Variants in CABCOCO1 observed in about 807,000 individuals in gnomAD.
CABCOCO1 encodes ciliary associated calcium binding coiled-coil 1.
A neutral mutation model predicts 35.7 loss-of-function variants in CABCOCO1; 28 were observed. That is an observed-to-expected ratio of 0.78 (90% CI 0.58 to 1.07). The LOEUF is 1.07. Ranked by LOEUF, CABCOCO1 falls within the 50% of genes least tolerant of loss-of-function variation. The pLI is 0.00. For missense variants in CABCOCO1, 326 were observed against 309.2 expected (o/e 1.05, Z -0.41); for synonymous variants, 95 against 100.1 (o/e 0.95, Z 0.30).
At chr10:61,699,090 G>A (rs138610780) in intron 5 of CABCOCO1, among the ~76,000 whole-genome samples, 76 of 152,208 alleles carry the variant, frequency 5.0e-4, no homozygotes, top group Non-Finnish European at 9.9e-4. Context: ...GCCATAATTT[G>A]TAGTTTGACC....
At chr10:61,713,875 G>A (rs1434156140) in intron 5 of CABCOCO1, among the ~76,000 whole-genome samples, 1 of 152,158 alleles carries the variant, frequency 6.6e-6, no homozygotes. Flanking sequence ...TGATCGTGGT[G>A]GATAAGCTTT....
At chr10:61,675,357 A>G (rs1445984018) in intron 2 of CABCOCO1, among the ~76,000 whole-genome samples, 1 of 152,158 alleles carries the variant, frequency 6.6e-6, no homozygotes, top group African/African-American at 2.4e-5. Context: ...GAGTACAATG[A>G]CCGAGCAAAG....
chr10:61,765,793 C>A, intron 7 of CABCOCO1, 146 bp from the exon 8 acceptor site: 1 of 657,244 alleles, frequency 1.5e-6, no homozygotes. Flanking sequence ...TCACTACAGG[C>A]TGAAACACAG....
intron 5 of CABCOCO1, among the ~76,000 whole-genome samples, chr10:61,747,054 A>T (rs897038228): frequency 2.0e-5 from 3 of 152,146 alleles, no homozygotes; most frequent in South Asian, 2.1e-4. Context: ...CAAACACTTT[A>T]AAAAAATCTT....
chr10:61,674,272 C>T (rs1348966336), intron 2 of CABCOCO1, among the ~76,000 whole-genome samples: 1 of 151,776 alleles, frequency 6.6e-6, no homozygotes, highest in African/African-American at 2.4e-5. Flanking sequence ...GTGGTAAGGC[C>T]TAGGATACAG....
chr10:61,730,466 A>G (rs1250745855), intron 5 of CABCOCO1, among the ~76,000 whole-genome samples: 12 of 152,162 alleles, frequency 7.9e-5, no homozygotes, highest in Non-Finnish European at 1.5e-5. Flanking sequence ...AAAATACATC[A>G]GTAGAATGAC....
chr10:61,765,991 T>A lies in CABCOCO1; in HGVS notation c.869T>A (p.Ile290Lys). 1 of 1,613,278 alleles carries A rather than the reference T, an allele frequency of 6.2e-7. No individual in the cohort carries two copies. ...CAGGAAGAGGCCTTTAATGCACGAATAGAAAAATTGAAAAAGGCCTAAGGA... is the reference window on the plus strand; with the variant it reads ...CAGGAAGAGGCCTTTAATGCACGAAAAGAAAAATTGAAAAAGGCCTAAGGA... ...QIQEEAFNAR[I>K]EKLKKA is the part of the protein sequence containing the mutation. Residue 290 changes from isoleucine (I) to lysine (K), a missense_variant, in exon 8 of 8, where the codon ATA (isoleucine) becomes AAA (lysine). Ile to Lys is a moderately radical substitution (Grantham distance 102). Transcript: ENST00000648843.
In CABCOCO1 at chr10:61,766,090, C is replaced by T. The variant is rs958490736; in HGVS notation, c.*77C>T. ...AGCCAGAATAACAGACTCTCTGGAG[C>T]GTCGTGTCTCCATCACTTAGTTGTG... On this transcript the variant is annotated 3_prime_UTR_variant, in exon 8 of 8. Coordinates refer to ENST00000648843, the MANE Select transcript of CABCOCO1 (RefSeq NM_001366906.2). The T allele has an allele frequency of 2.0e-5, 25 of 1,279,660 alleles. No homozygotes were observed. Among genetic ancestry groups the T allele is most frequent in the Middle Eastern group, 1.9e-4 (1 of 5,244 alleles). 79.3% of individuals were successfully genotyped at this position (1,279,660 alleles called of 1,614,324 possible).
intron 5 of CABCOCO1, among the ~76,000 whole-genome samples, chr10:61,737,158 C>T (rs1375359837): frequency 1.3e-5 from 2 of 152,010 alleles, no homozygotes; most frequent in Non-Finnish European, 2.9e-5. Context: ...TGCCTGATTG[C>T]TCCAAAGAAG....
chr10:61,727,147 G>T (rs536608006), intron 5 of CABCOCO1, among the ~76,000 whole-genome samples: 5 of 152,024 alleles, frequency 3.3e-5, no homozygotes, highest in Non-Finnish European at 5.9e-5. Context: ...CTTCTTGAAG[G>T]CAGGATTATT....
intron 5 of CABCOCO1, among the ~76,000 whole-genome samples, chr10:61,746,476 T>A (rs370797685): frequency 1.2e-4 from 19 of 152,214 alleles, no homozygotes; most frequent in East Asian, 3.8e-4. Flanking sequence ...CTGTAATCTA[T>A]CATGGCTGGT....
intron 5 of CABCOCO1, among the ~76,000 whole-genome samples, chr10:61,734,741 C>T (rs961262675): frequency 4.6e-5 from 7 of 152,094 alleles, no homozygotes; most frequent in African/African-American, 1.2e-4. Context: ...GTAAGTGGAG[C>T]GCTCTCTGTA....
intron 5 of CABCOCO1, among the ~76,000 whole-genome samples, chr10:61,700,159 G>C (rs1050886407): frequency 5.9e-5 from 9 of 151,934 alleles, no homozygotes; most frequent in African/African-American, 2.2e-4. Context: ...CTTGGGAAAT[G>C]TCTAACTATT....
chr10:61,761,118 A>T (rs1842000788), intron 7 of CABCOCO1, 115 bp downstream of exon 7: 1 of 1,097,484 alleles, frequency 9.1e-7, no homozygotes. Context: ...CTTATGACGA[A>T]GTTCAATTTA....
intron 5 of CABCOCO1, among the ~76,000 whole-genome samples, chr10:61,705,797 CACA>C (rs1304084705): frequency 6.6e-6 from 1 of 152,186 alleles, no homozygotes; most frequent in Non-Finnish European, 1.5e-5. Flanking sequence ...TTAAATATTA[CACA>C]CACATAATCT....
chr10:61,711,900 T>C (rs911184673), intron 5 of CABCOCO1, among the ~76,000 whole-genome samples: 4 of 151,978 alleles, frequency 2.6e-5, no homozygotes, highest in African/African-American at 9.7e-5. Flanking sequence ...TTGAATGGGA[T>C]GAAAATGAAA....
chr10:61,763,167 A>G (rs1013476076), intron 7 of CABCOCO1, among the ~76,000 whole-genome samples: 1 of 152,062 alleles, frequency 6.6e-6, no homozygotes, highest in African/African-American at 2.4e-5. Flanking sequence ...TAAAAGTCAT[A>G]CTGTTATTAC....
chr10:61,763,567 C>T (rs1032013054), intron 7 of CABCOCO1, among the ~76,000 whole-genome samples: 1 of 151,910 alleles, frequency 6.6e-6, no homozygotes, highest in Non-Finnish European at 1.5e-5. Context: ...AATTACATTT[C>T]AGAGAAATAT....
intron 3 of CABCOCO1, among the ~76,000 whole-genome samples, chr10:61,683,044 C>G (rs1284411844): frequency 6.6e-6 from 1 of 152,066 alleles, no homozygotes; most frequent in African/African-American, 2.4e-5. Flanking sequence ...GCATGCGCTA[C>G]CACGCCCAGC....
Sources: gnomAD v4.1 joint callset for allele counts (sites outside exome capture counted in the v4.1 genomes callset) on GRCh38, gnomAD v4.1.1 for gene constraint, MANE v1.5 for transcripts, NCBI Gene and HGNC (gene_info 2026-07-23, HGNC 2026-07-21) for gene names.